Variants in CHLSN observed in about 807,000 individuals in gnomAD.
The protein encoded by CHLSN is protein cholesin.
chr7:991,270 C>T, the CHLSN span, among the ~76,000 whole-genome samples: 2,890 of 152,220 alleles, frequency 0.019, 129 homozygotes, highest in East Asian at 0.21. Context: ...ACCCTGACCC[C>T]GCTCGCCCGA....
the CHLSN span, among the ~76,000 whole-genome samples, chr7:1,089,707 CTTTTTT>C: frequency 4.0e-5 from 5 of 124,172 alleles, no homozygotes; most frequent in South Asian, 1.1e-3. Context: ...ATAGGCCAGC[CTTTTTT>C]TTTTTTTTTT....
the CHLSN span, among the ~76,000 whole-genome samples, chr7:1,027,344 T>A: frequency 1.3e-5 from 2 of 152,344 alleles, no homozygotes; most frequent in South Asian, 4.1e-4. Flanking sequence ...AGCAGCAGGC[T>A]AGGCAGCCCG....
At chr7:1,026,613 T>C in the CHLSN span, 1 of 152,236 alleles carries the variant, frequency 6.6e-6, no homozygotes, top group Non-Finnish European at 1.5e-5. Flanking sequence ...CGGCTCACAG[T>C]TGCTCCCCAT....
the CHLSN span, chr7:1,076,045 A>G: frequency 6.6e-6 from 1 of 152,352 alleles, no homozygotes; most frequent in Non-Finnish European, 1.5e-5. Context: ...GACAGGCCCA[A>G]GGACCAGAGG....
At chr7:988,813 C>G in the CHLSN span, 4 of 1,571,706 alleles carry the variant, frequency 2.5e-6, no homozygotes, top group South Asian at 4.5e-5. Flanking sequence ...GTGCGGTGCC[C>G]AGGCCCTAGG....
chr7:992,193 C>A, the CHLSN span, among the ~76,000 whole-genome samples: 3 of 152,220 alleles, frequency 2.0e-5, no homozygotes, highest in African/African-American at 7.2e-5. Flanking sequence ...CCTGTACCCC[C>A]CCGCCTCTAG....
chr7:1,013,337 G>T, the CHLSN span, among the ~76,000 whole-genome samples: 1 of 152,200 alleles, frequency 6.6e-6, no homozygotes, highest in African/African-American at 2.4e-5. Context: ...TTGCCCCAAG[G>T]GCTTGTAAAT....
At chr7:1,124,862 G>A in the CHLSN span, among the ~76,000 whole-genome samples, 4 of 152,154 alleles carry the variant, frequency 2.6e-5, no homozygotes, top group East Asian at 1.9e-4. Flanking sequence ...CTGCTGACCC[G>A]CTGCGCGGGA....
At chr7:1,057,461 C>T in the CHLSN span, 24 of 696,580 alleles carry the variant, frequency 3.4e-5, no homozygotes, top group East Asian at 4.0e-4. Context: ...GGACGGGACG[C>T]GAGCTGACCA....
chr7:1,008,943 AC>A, the CHLSN span, among the ~76,000 whole-genome samples: 177 of 147,818 alleles, frequency 1.2e-3, 2 homozygotes, highest in South Asian at 0.036. Flanking sequence ...ATGCACACGC[AC>A]ACCCCCTCAT....
chr7:984,129 C>T, the CHLSN span, among the ~76,000 whole-genome samples: 54 of 152,320 alleles, frequency 3.5e-4, no homozygotes, highest in Middle Eastern at 3.4e-3. Flanking sequence ...CCGACCTTGC[C>T]GCCTGGACTC....
At chr7:1,014,764 CCT>C in the CHLSN span, among the ~76,000 whole-genome samples, 1 of 152,250 alleles carries the variant, frequency 6.6e-6, no homozygotes, top group African/African-American at 2.4e-5. Flanking sequence ...AGAAACGAGC[CCT>C]GAGAAGGGGG....
chr7:1,010,798 G>T, the CHLSN span, among the ~76,000 whole-genome samples: 151 of 152,292 alleles, frequency 9.9e-4, no homozygotes, highest in South Asian at 1.9e-3. Flanking sequence ...CAAAGCCGGG[G>T]CAGCCGGGCC....
the CHLSN span, among the ~76,000 whole-genome samples, chr7:982,130 G>C: frequency 6.6e-6 from 1 of 152,214 alleles, no homozygotes; most frequent in Admixed American, 6.5e-5. Flanking sequence ...TAGTGGCCCT[G>C]GTATGAGGCA....
chr7:1,000,409 C>T, the CHLSN span: 1 of 1,111,422 alleles, frequency 9.0e-7, no homozygotes, highest in Non-Finnish European at 1.2e-6. Flanking sequence ...GGGGACGTGC[C>T]TGCCCCGCCG....
chr7:1,039,081 G>A, the CHLSN span, among the ~76,000 whole-genome samples: 61 of 72,394 alleles, frequency 8.4e-4, no homozygotes, highest in Non-Finnish European at 1.2e-3. Flanking sequence ...CCCCCTGCCC[G>A]GCCAGCTGCC....
At chr7:992,721 G>C in the CHLSN span, among the ~76,000 whole-genome samples, 55 of 152,360 alleles carry the variant, frequency 3.6e-4, no homozygotes, top group Non-Finnish European at 7.2e-4. Flanking sequence ...CCCTCAGAGC[G>C]GGGGTCTTCT....
the CHLSN span, chr7:1,022,936 C>T: frequency 2.2e-6 from 1 of 458,916 alleles, no homozygotes; most frequent in East Asian, 6.8e-5. Context: ...GGTCCCGGCG[C>T]AGACACTGGG....
chr7:1,016,612 C>T, the CHLSN span, among the ~76,000 whole-genome samples: 3,804 of 120,142 alleles, frequency 0.032, 681 homozygotes, highest in African/African-American at 0.11. Context: ...CGTACAGCAG[C>T]GCACGCCAGA....
Sources: gnomAD v4.1 joint callset for allele counts (sites outside exome capture counted in the v4.1 genomes callset) on GRCh38, gnomAD v4.1.1 for gene constraint, MANE v1.5 for transcripts, NCBI Gene and HGNC (gene_info 2026-07-23, HGNC 2026-07-21) for gene names.